FAM163A: variants seen among roughly 807,000 people sequenced by gnomAD.
The protein encoded by FAM163A is family with sequence similarity 163 member A.
In FAM163A, 7 loss-of-function variants were observed where a neutral mutation model predicts 12.0. The observed-to-expected ratio is 0.58, with a 90% CI of 0.33 to 1.10. The LOEUF is 1.10. FAM163A is among the 50% of genes least tolerant of loss of function. The probability of loss-of-function intolerance (pLI) is 0.03; values close to 1 mark genes in which losing one functional copy is unlikely to be tolerated. For synonymous variants in FAM163A, 101 were observed against 91.0 expected, an observed-to-expected ratio of 1.11 and a Z score of -0.62; for missense variants, 202 against 218.6, an observed-to-expected ratio of 0.92 and a Z score of 0.48.
the FAM163A span, among the ~76,000 whole-genome samples, chr1:179,735,415 TGG>T: frequency 6.6e-6 from 1 of 151,868 alleles, no homozygotes; most frequent in Admixed American, 6.6e-5. Flanking sequence ...GGTCAAAAGT[TGG>T]AGTTCATGGC....
intron 1 of FAM163A, among the ~76,000 whole-genome samples, chr1:179,804,393 T>G (rs1367237557): frequency 6.6e-6 from 1 of 152,242 alleles, no homozygotes; most frequent in Non-Finnish European, 1.5e-5. Context: ...TACAATGCCA[T>G]CTCTGCCTTG....
At chr1:179,795,600 G>A (rs1692179229) in intron 1 of FAM163A, among the ~76,000 whole-genome samples, 1 of 152,182 alleles carries the variant, frequency 6.6e-6, no homozygotes, top group Admixed American at 6.5e-5. Context: ...AGAACCATGA[G>A]CGAAATAAGC....
At chr1:179,780,519 C>T (rs1689573672) in intron 1 of FAM163A, among the ~76,000 whole-genome samples, 1 of 152,192 alleles carries the variant, frequency 6.6e-6, no homozygotes, top group South Asian at 2.1e-4. Flanking sequence ...GTCAATATGC[C>T]AGTGGTTCTC....
chr1:179,771,069 T>C (rs2148114910), intron 1 of FAM163A, among the ~76,000 whole-genome samples: 1 of 152,162 alleles, frequency 6.6e-6, no homozygotes, highest in East Asian at 1.9e-4. Context: ...AGGGCCTGCT[T>C]TTTCCGGTAT....
chr1:179,748,060 C>G (rs1007280907), intron 1 of FAM163A, among the ~76,000 whole-genome samples: 2 of 152,058 alleles, frequency 1.3e-5, no homozygotes, highest in Non-Finnish European at 2.9e-5. Context: ...TTGTGAGGCC[C>G]TGTGTCTGCA....
chr1:179,747,266 AGT>A (rs1684611573), intron 1 of FAM163A, among the ~76,000 whole-genome samples: 1 of 151,994 alleles, frequency 6.6e-6, no homozygotes, highest in African/African-American at 2.4e-5. Flanking sequence ...TGCATCAATC[AGT>A]GTGTCCTACA....
At chr1:179,782,161 C>T (rs569100281) in intron 1 of FAM163A, among the ~76,000 whole-genome samples, 1 of 152,130 alleles carries the variant, frequency 6.6e-6, no homozygotes, top group Middle Eastern at 3.4e-3. Flanking sequence ...GTGAGCATGC[C>T]GGACAAGGAC....
chr1:179,752,630 G>C (rs1404454073), intron 1 of FAM163A, among the ~76,000 whole-genome samples: 3 of 152,096 alleles, frequency 2.0e-5, no homozygotes, highest in Non-Finnish European at 4.4e-5. Context: ...TTTAAAATGG[G>C]CTAAAGACTT....
In FAM163A at chr1:179,814,223, C is replaced by T. The variant is rs1421576263; in HGVS notation, c.*34C>T. 3.2e-6 allele frequency: 5 copies of T among 1,560,800 alleles called. No homozygotes were observed. The highest frequency in any genetic ancestry group is 2.3e-5 in the East Asian group (1 of 44,188). ...ACCCCGACCCGCACACACACCCACA[C>T]TGCTGCCCTGGCGGGGGCCATGGGG... On this transcript the variant is annotated 3_prime_UTR_variant, in exon 5 of 5. Transcript: ENST00000341785.
intron 1 of FAM163A, among the ~76,000 whole-genome samples, chr1:179,787,244 G>T (rs917478163): frequency 6.6e-6 from 1 of 152,120 alleles, no homozygotes; most frequent in Non-Finnish European, 1.5e-5. Flanking sequence ...TATTTAGCTG[G>T]GCTATTAGGC....
intron 1 of FAM163A, among the ~76,000 whole-genome samples, chr1:179,800,402 G>A (rs1383046268): frequency 1.3e-5 from 2 of 152,252 alleles, no homozygotes; most frequent in Non-Finnish European, 2.9e-5. Context: ...TGGCTGGGAG[G>A]AGCAGAGCAC....
At chr1:179,792,881 T>A (rs546467548) in intron 1 of FAM163A, among the ~76,000 whole-genome samples, 167 of 100,184 alleles carry the variant, frequency 1.7e-3, no homozygotes, top group South Asian at 0.011. Flanking sequence ...GATAATAAAA[T>A]ATATATATAT....
At chr1:179,787,789 G>A (rs899992275) in intron 1 of FAM163A, among the ~76,000 whole-genome samples, 17 of 152,330 alleles carry the variant, frequency 1.1e-4, no homozygotes, top group African/African-American at 3.4e-4. Context: ...CTGCAGGGCC[G>A]AAGTGAGAGG....
chr1:179,801,177 G>A (rs1693122385), intron 1 of FAM163A, among the ~76,000 whole-genome samples: 1 of 152,130 alleles, frequency 6.6e-6, no homozygotes, highest in Non-Finnish European at 1.5e-5. Flanking sequence ...ACATTGAGGA[G>A]ACACCAACAC....
intron 1 of FAM163A, among the ~76,000 whole-genome samples, chr1:179,758,543 G>A (rs747219331): frequency 6.6e-6 from 1 of 152,150 alleles, no homozygotes; most frequent in East Asian, 1.9e-4. Context: ...GCAAATTTGT[G>A]TAGAGGTGAA....
chr1:179,747,716 G>C (rs950103178), intron 1 of FAM163A, among the ~76,000 whole-genome samples: 1 of 152,142 alleles, frequency 6.6e-6, no homozygotes, highest in African/African-American at 2.4e-5. Context: ...GCATCACATG[G>C]GTGCTTACAG....
At chr1:179,729,262 T>C in the FAM163A span, among the ~76,000 whole-genome samples, 2 of 152,220 alleles carry the variant, frequency 1.3e-5, no homozygotes, top group African/African-American at 4.8e-5. Flanking sequence ...ATGTATGTGT[T>C]TTATTTTGCC....
chr1:179,810,315 C>T (rs1651715238), intron 2 of FAM163A, among the ~76,000 whole-genome samples: 1 of 152,132 alleles, frequency 6.6e-6, no homozygotes, highest in South Asian at 2.1e-4. Flanking sequence ...TTCTCAGAAC[C>T]TTGAAGGATG....
At position 179,814,366 on chromosome 1, in the gene FAM163A, A is replaced by G. The variant is rs1695114595; in HGVS notation, c.*177A>G. 1 of 835,568 alleles carries G rather than the reference A, an allele frequency of 1.2e-6. No individual in the cohort carries two copies. The highest frequency in any genetic ancestry group is 2.9e-5 in the East Asian group (1 of 34,940). 51.8% of individuals were successfully genotyped at this position (835,568 alleles called of 1,614,324 possible). On this transcript the variant is annotated 3_prime_UTR_variant, in exon 5 of 5. Coordinates refer to ENST00000341785, the MANE Select transcript of FAM163A (RefSeq NM_173509.3). Reference sequence around the variant, plus strand: ...TTTTGAGTGCATTGAGAACCAAGACAGGGCCTGGCTCCAACTCTGTGGGCC... The same window carrying G: ...TTTTGAGTGCATTGAGAACCAAGACGGGGCCTGGCTCCAACTCTGTGGGCC...
Sources: gnomAD v4.1 joint callset for allele counts (sites outside exome capture counted in the v4.1 genomes callset) on GRCh38, gnomAD v4.1.1 for gene constraint, MANE v1.5 for transcripts, NCBI Gene and HGNC (gene_info 2026-07-23, HGNC 2026-07-21) for gene names.